The following RPS6KC1 variants were observed in gnomAD, a reference collection of about 807,000 sequenced individuals.
RPS6KC1 encodes inactive ribosomal protein S6 kinase delta-1.
In RPS6KC1, 54 loss-of-function variants were observed where a neutral mutation model predicts 103.8. The observed-to-expected ratio is 0.52, with a 90% CI of 0.42 to 0.65. The LOEUF is 0.65. Among genes scored for constraint, RPS6KC1 ranks in the 30% least tolerant of loss-of-function variants. The probability of loss-of-function intolerance (pLI) is 0.00; values close to 1 mark genes in which losing one functional copy is unlikely to be tolerated. For missense variants in RPS6KC1, 1,151 were observed against 1,253.8 expected, an observed-to-expected ratio of 0.92 and a Z score of 1.24; for synonymous variants, 439 against 438.7, an observed-to-expected ratio of 1.00 and a Z score of -0.01.
At chr1:213,754,749 T>G in the RPS6KC1 span, among the ~76,000 whole-genome samples, 1 of 152,204 alleles carries the variant, frequency 6.6e-6, no homozygotes, top group Admixed American at 6.5e-5. Flanking sequence ...CAGGTATTTC[T>G]TTACAGCAGT....
rs139931271 is a variant in RPS6KC1 at position 213,257,210 on chromosome 1, A to G, written c.2912-4348A>G. Among the ~76,000 whole-genome samples, 445 of 152,258 alleles carry G rather than the reference A, an allele frequency of 2.9e-3. 1 individual carries two copies. The highest frequency in any genetic ancestry group is 9.3e-3 in the African/African-American group (388 of 41,552). On this transcript the variant is annotated intron_variant, in intron 12 of 14. Coordinates refer to ENST00000366960, the MANE Select transcript of RPS6KC1 (RefSeq NM_012424.6). ...GTGCGTGTTCCCTGCAGTGCTGTGG[A>G]AAACAAACATAACATGTAGCTTTTG...
At chr1:213,296,297 G>T in the RPS6KC1 span, among the ~76,000 whole-genome samples, 1 of 152,214 alleles carries the variant, frequency 6.6e-6, no homozygotes. Flanking sequence ...GATTGTTGCT[G>T]AGAGCCCTGA....
chr1:213,733,983 G>T, the RPS6KC1 span, among the ~76,000 whole-genome samples: 1 of 152,178 alleles, frequency 6.6e-6, no homozygotes, highest in Non-Finnish European at 1.5e-5. Flanking sequence ...CCTTAAAATA[G>T]CATAATGCTT....
intron 6 of RPS6KC1, among the ~76,000 whole-genome samples, chr1:213,137,199 C>T (rs986371281): frequency 2.0e-5 from 3 of 152,094 alleles, no homozygotes; most frequent in Non-Finnish European, 2.9e-5. Context: ...CACTGCCACA[C>T]CTTGAAGGGG....
the RPS6KC1 span, among the ~76,000 whole-genome samples, chr1:213,725,502 T>C: frequency 6.6e-6 from 1 of 152,234 alleles, no homozygotes; most frequent in Non-Finnish European, 1.5e-5. Context: ...CTTCGGGGAC[T>C]CTTGGTCAGT....
At chr1:213,448,082 A>T in the RPS6KC1 span, among the ~76,000 whole-genome samples, 1 of 151,940 alleles carries the variant, frequency 6.6e-6, no homozygotes, top group Admixed American at 6.6e-5. Context: ...AAAGAAAAAT[A>T]AAAAAATTGG....
intron 4 of RPS6KC1, among the ~76,000 whole-genome samples, chr1:213,108,542 T>A (rs2082705554): frequency 6.6e-6 from 1 of 152,180 alleles, no homozygotes; most frequent in African/African-American, 2.4e-5. Context: ...TTTTCAAAAT[T>A]GTTATGGCAA....
At chr1:213,744,554 G>C in the RPS6KC1 span, among the ~76,000 whole-genome samples, 4 of 152,200 alleles carry the variant, frequency 2.6e-5, no homozygotes, top group Non-Finnish European at 5.9e-5. Context: ...TTGCTGTGTA[G>C]CCTTTTTTTG....
chr1:213,506,231 A>G, the RPS6KC1 span, among the ~76,000 whole-genome samples: 5 of 152,190 alleles, frequency 3.3e-5, no homozygotes, highest in African/African-American at 9.7e-5. Flanking sequence ...CTGGTTTTGA[A>G]TTGGTAAGTA....
In RPS6KC1 at chr1:213,051,261, C is replaced by T. The variant is rs558279599; in HGVS notation, c.-144C>T. ...CTGCTGACCCGGAAGCAGAGCTGTGCAGCTGAGGCGCCGCCGTGGAGCCGC... is the reference window on the plus strand; with the variant it reads ...CTGCTGACCCGGAAGCAGAGCTGTGTAGCTGAGGCGCCGCCGTGGAGCCGC... On this transcript the variant is annotated 5_prime_UTR_variant, in exon 1 of 15. Coordinates refer to ENST00000366960, the MANE Select transcript of RPS6KC1 (RefSeq NM_012424.6). The T allele has an allele frequency of 9.8e-5, 61 of 623,654 alleles. No homozygotes were observed. In the East Asian group the frequency reaches 1.5e-3, roughly 16 times the overall value. The allele number at this position is 623,654 out of a possible 1,614,324, so 38.6% of individuals were successfully genotyped here.
At chr1:213,504,203 T>C in the RPS6KC1 span, among the ~76,000 whole-genome samples, 1 of 152,344 alleles carries the variant, frequency 6.6e-6, no homozygotes, top group East Asian at 1.9e-4. Context: ...CAAGATTCAC[T>C]GCACATAACA....
At chr1:213,679,855 T>C in the RPS6KC1 span, among the ~76,000 whole-genome samples, 6 of 152,178 alleles carry the variant, frequency 3.9e-5, no homozygotes, top group African/African-American at 1.2e-4. Flanking sequence ...CATTAAAAAA[T>C]AACACAGCCA....
At chr1:213,329,107 C>A in the RPS6KC1 span, among the ~76,000 whole-genome samples, 2 of 152,020 alleles carry the variant, frequency 1.3e-5, no homozygotes, top group Admixed American at 1.3e-4. Flanking sequence ...CAAAATAAAA[C>A]AAATTCTTCC....
the RPS6KC1 span, among the ~76,000 whole-genome samples, chr1:213,432,023 A>G: frequency 1.1e-4 from 17 of 152,200 alleles, no homozygotes; most frequent in Non-Finnish European, 2.1e-4. Context: ...TGCAGTTTCA[A>G]TTCTCATTTC....
At chr1:213,792,120 C>G in the RPS6KC1 span, among the ~76,000 whole-genome samples, 1 of 152,146 alleles carries the variant, frequency 6.6e-6, no homozygotes, top group Non-Finnish European at 1.5e-5. Context: ...TCCTCCTGCT[C>G]TACCGCCCAT....
chr1:213,426,391 C>T, the RPS6KC1 span, among the ~76,000 whole-genome samples: 1 of 152,048 alleles, frequency 6.6e-6, no homozygotes, highest in Non-Finnish European at 1.5e-5. Context: ...ACTGGGGTGG[C>T]ACGTGGATTT....
chr1:213,270,455 G>A (rs2149175587), intron 14 of RPS6KC1, among the ~76,000 whole-genome samples: 1 of 152,238 alleles, frequency 6.6e-6, no homozygotes, highest in East Asian at 1.9e-4. Flanking sequence ...TTAAAAACTT[G>A]TGCATTCAAA....
intron 6 of RPS6KC1, among the ~76,000 whole-genome samples, chr1:213,132,749 A>G (rs947520088): frequency 6.6e-6 from 1 of 152,202 alleles, no homozygotes; most frequent in Non-Finnish European, 1.5e-5. Flanking sequence ...CTTTATTGGC[A>G]TGGATTGGCA....
chr1:213,815,779 A>G, the RPS6KC1 span, among the ~76,000 whole-genome samples: 1 of 152,164 alleles, frequency 6.6e-6, no homozygotes, highest in East Asian at 1.9e-4. Context: ...AGCACTTTTA[A>G]TTTCCTTCAA....
Sources: allele counts gnomAD v4.1 joint callset (sites outside exome capture counted in the v4.1 genomes callset), GRCh38; gene constraint gnomAD v4.1.1; transcripts MANE v1.5; gene names NCBI Gene and HGNC (gene_info 2026-07-23, HGNC 2026-07-21).